SH3RF2: variants seen among roughly 807,000 people sequenced by gnomAD.
SH3RF2 encodes the protein SH3 domain containing ring finger 2, also known as E3 ubiquitin-protein ligase SH3RF2.
SH3RF2 carries 43 observed loss-of-function variants against 59.0 expected under a neutral mutation model. The observed-to-expected ratio is 0.73, with a 90% CI of 0.57 to 0.94. The LOEUF is 0.94. Among genes scored for constraint, SH3RF2 ranks in the 40% least tolerant of loss-of-function variants. The pLI is 0.00. For synonymous variants in SH3RF2, 391 were observed against 391.5 expected (o/e 1.00, Z 0.01); for missense variants, 930 against 940.1 (o/e 0.99, Z 0.14).
intron 5 of SH3RF2, among the ~76,000 whole-genome samples, chr5:146,028,069 G>A (rs958230338): frequency 3.3e-5 from 5 of 152,094 alleles, no homozygotes; most frequent in African/African-American, 9.6e-5. Context: ...AAAAGGGAGC[G>A]GCCTAGCCTG....
intron 2 of SH3RF2, chr5:145,997,219 T>C (rs1760200260): frequency 3.4e-6 from 3 of 875,330 alleles, no homozygotes; most frequent in South Asian, 1.3e-5. Context: ...TGCTAGTAGA[T>C]GGGAAAACTG....
chr5:145,997,019 T>C (rs940497077), intron 2 of SH3RF2, among the ~76,000 whole-genome samples: 1 of 152,186 alleles, frequency 6.6e-6, no homozygotes, highest in African/African-American at 2.4e-5. Flanking sequence ...CTGAAAACCT[T>C]GGCCAAAAGG....
chr5:146,054,973 G>A (rs1230854878), intron 7 of SH3RF2, among the ~76,000 whole-genome samples: 1 of 152,158 alleles, frequency 6.6e-6, no homozygotes, highest in African/African-American at 2.4e-5. Flanking sequence ...GGAATGGATT[G>A]GTAAAAGGGC....
chr5:146,039,406 T>A (rs549554395), intron 5 of SH3RF2, among the ~76,000 whole-genome samples: 2 of 149,482 alleles, frequency 1.3e-5, no homozygotes, highest in South Asian at 4.2e-4. Flanking sequence ...AATACAAAAA[T>A]AATAAATAAC....
intron 2 of SH3RF2, among the ~76,000 whole-genome samples, chr5:145,996,514 G>C (rs1213771689): frequency 1.0e-5 from 1 of 99,464 alleles, no homozygotes; most frequent in African/African-American, 3.4e-5. Context: ...TTATGCTTGA[G>C]CTGATTTTTT....
chr5:146,054,474 C>T (rs1287643119), intron 7 of SH3RF2, among the ~76,000 whole-genome samples: 2 of 152,214 alleles, frequency 1.3e-5, no homozygotes, highest in African/African-American at 2.4e-5. Flanking sequence ...AGATCAGTTG[C>T]ACTCTGGCAT....
chr5:146,024,768 T>C (rs1266515936), intron 5 of SH3RF2, among the ~76,000 whole-genome samples: 1 of 152,250 alleles, frequency 6.6e-6, no homozygotes, highest in Non-Finnish European at 1.5e-5. Context: ...CTTCTACCTG[T>C]AGATATGAAG....
rs561016628 is a variant in SH3RF2 at position 146,016,059 on chromosome 5, C to T, written c.1059+1998C>T. Among the ~76,000 whole-genome samples the T allele has an allele frequency of 1.1e-4, 17 of 152,286 alleles. 3 individuals carry two copies. The highest frequency in any genetic ancestry group is 4.1e-4 in the African/African-American group (17 of 41,552). The stretch of plus-strand genomic sequence containing the variant: ...CCCCACTCCAGCAACCCACATGGTG[C>T]CTAGACCCTAGCAGGTGCTCAATAA... On this transcript the variant is annotated intron_variant, in intron 5 of 9. Transcript: ENST00000359120.
chr5:146,011,693 G>C (rs1475011353), intron 4 of SH3RF2, among the ~76,000 whole-genome samples: 1 of 152,114 alleles, frequency 6.6e-6, no homozygotes, highest in Non-Finnish European at 1.5e-5. Flanking sequence ...TCTGTTATTG[G>C]TGTTTAAGAA....
rs555881661 is a variant in SH3RF2 at position 146,050,191 on chromosome 5, T to C, written c.1322+946T>C. The C allele has an allele frequency of 4.6e-5, 7 of 152,356 alleles. No individual in the cohort carries two copies. In the South Asian group the frequency reaches 1.5e-3, roughly 32 times the overall value. 9.4% of individuals were successfully genotyped at this position (152,356 alleles called of 1,614,324 possible). ...AAAGAAACTGGGGTTATTTAACCTGTAGAAGACAAGGGACAGAGGGATCAC... is the reference window on the plus strand; with the variant it reads ...AAAGAAACTGGGGTTATTTAACCTGCAGAAGACAAGGGACAGAGGGATCAC... On this transcript the variant is annotated intron_variant, in intron 7 of 9. Coordinates refer to ENST00000359120, the MANE Select transcript of SH3RF2 (RefSeq NM_152550.4).
At chr5:145,966,432 G>A (rs1003543471) in intron 2 of SH3RF2, among the ~76,000 whole-genome samples, 24 of 152,162 alleles carry the variant, frequency 1.6e-4, no homozygotes, top group Admixed American at 7.9e-4. Context: ...TAATTAGTTT[G>A]TTACAATGCT....
intron 7 of SH3RF2, 73 bp downstream of exon 7, chr5:146,049,318 G>T: frequency 6.7e-7 from 1 of 1,485,614 alleles, no homozygotes; most frequent in East Asian, 2.3e-5. Context: ...GGGTTGAACT[G>T]GTGGAAGACC....
At chr5:146,043,734 A>T (rs6894532) in intron 5 of SH3RF2, 52,136 of 152,024 alleles carry the variant, frequency 0.34, 9,308 homozygotes, top group Non-Finnish European at 0.39. Flanking sequence ...TATATAGTGT[A>T]TAGTCTTCAG....
At chr5:145,989,218 T>C (rs541853699) in intron 2 of SH3RF2, among the ~76,000 whole-genome samples, 1 of 152,328 alleles carries the variant, frequency 6.6e-6, no homozygotes, top group South Asian at 2.1e-4. Flanking sequence ...GCCTAACTTT[T>C]TGAGTATGGA....
At chr5:145,941,040 G>A (rs1757795004) in intron 2 of SH3RF2, among the ~76,000 whole-genome samples, 1 of 152,154 alleles carries the variant, frequency 6.6e-6, no homozygotes, top group Non-Finnish European at 1.5e-5. Context: ...ATAATACTAA[G>A]TATAAAGTAC....
At chr5:145,965,489 G>T (rs1191662735) in intron 2 of SH3RF2, among the ~76,000 whole-genome samples, 2 of 152,110 alleles carry the variant, frequency 1.3e-5, no homozygotes, top group Non-Finnish European at 2.9e-5. Flanking sequence ...TTGGACTAGG[G>T]TGGGGCAATT....
At chr5:146,000,813 G>A (rs1261808808) in intron 3 of SH3RF2, among the ~76,000 whole-genome samples, 1 of 152,212 alleles carries the variant, frequency 6.6e-6, no homozygotes, top group Admixed American at 6.5e-5. Context: ...GGAATAGGAC[G>A]TGAATAAGTC....
intron 2 of SH3RF2, among the ~76,000 whole-genome samples, chr5:145,943,269 A>T (rs2149939966): frequency 6.6e-6 from 1 of 151,418 alleles, no homozygotes; most frequent in Admixed American, 6.6e-5. Context: ...GCAAAAGGAA[A>T]GGGAGTTCTC....
chr5:145,997,517 G>A (rs1760216527), intron 2 of SH3RF2: 10 of 1,604,494 alleles, frequency 6.2e-6, no homozygotes, highest in African/African-American at 1.3e-5. Flanking sequence ...TCTATCTGAA[G>A]AATCCTCCTC....
Sources: gnomAD v4.1 joint callset for allele counts (sites outside exome capture counted in the v4.1 genomes callset) on GRCh38, gnomAD v4.1.1 for gene constraint, MANE v1.5 for transcripts, NCBI Gene and HGNC (gene_info 2026-07-23, HGNC 2026-07-21) for gene names.